The following KLRG1 variants were observed in gnomAD, a reference collection of about 807,000 sequenced individuals.
The protein encoded by KLRG1 is killer cell lectin like receptor G1.
A neutral mutation model predicts 21.8 loss-of-function variants in KLRG1; 16 were observed. The observed-to-expected ratio is 0.73, with a 90% CI of 0.50 to 1.11. KLRG1 has a LOEUF of 1.11. Ranked by LOEUF, KLRG1 falls within the 50% of genes most tolerant of loss-of-function variation. The pLI is 0.00. For synonymous variants in KLRG1, 69 were observed against 75.9 expected (o/e 0.91, Z 0.47); for missense variants, 173 against 218.3 (o/e 0.79, Z 1.31).
chr12:9,109,822 A>C, the KLRG1 span: 1 of 1,541,082 alleles, frequency 6.5e-7, no homozygotes, highest in Non-Finnish European at 8.8e-7. Flanking sequence ...CTAAGAGTTT[A>C]AATATGAAGA....
the KLRG1 span, among the ~76,000 whole-genome samples, chr12:9,097,805 G>A: frequency 2.0e-5 from 3 of 151,956 alleles, no homozygotes; most frequent in African/African-American, 7.2e-5. Context: ...ACTAATTTTT[G>A]TATTTTTAGT....
the KLRG1 span, among the ~76,000 whole-genome samples, chr12:9,154,426 T>A: frequency 6.6e-6 from 1 of 152,218 alleles, no homozygotes; most frequent in Non-Finnish European, 1.5e-5. Flanking sequence ...TATATTAACA[T>A]AGGGCTTAGT....
the KLRG1 span, among the ~76,000 whole-genome samples, chr12:9,150,285 G>GT: frequency 6.6e-6 from 1 of 152,124 alleles, no homozygotes; most frequent in South Asian, 2.1e-4. Context: ...GTTTTGTGTT[G>GT]TTTTTTCTTT....
the KLRG1 span, among the ~76,000 whole-genome samples, chr12:9,180,011 C>T: frequency 0.082 from 12,444 of 152,158 alleles, 695 homozygotes; most frequent in African/African-American, 0.16. Flanking sequence ...TATTATTCTC[C>T]GGAATGTTGG....
At chr12:9,060,408 G>A in the KLRG1 span, among the ~76,000 whole-genome samples, 1 of 152,152 alleles carries the variant, frequency 6.6e-6, no homozygotes, top group Non-Finnish European at 1.5e-5. Context: ...AGCCTTTACT[G>A]TCAGTGTGAA....
chr12:9,026,084 C>G, the KLRG1 span, among the ~76,000 whole-genome samples: 1 of 152,102 alleles, frequency 6.6e-6, no homozygotes, highest in Non-Finnish European at 1.5e-5. Context: ...CAGCAGCCTA[C>G]ATGGGATTTG....
the KLRG1 span, among the ~76,000 whole-genome samples, chr12:9,172,829 A>G: frequency 2.0e-5 from 3 of 152,212 alleles, no homozygotes; most frequent in African/African-American, 7.2e-5. Context: ...TCATAAAGCA[A>G]GTTCTTATAT....
the KLRG1 span, among the ~76,000 whole-genome samples, chr12:9,056,936 T>C: frequency 7.2e-5 from 11 of 152,224 alleles, no homozygotes; most frequent in African/African-American, 1.2e-4. Flanking sequence ...GTATAGTTCT[T>C]AGGCTCTTCT....
intron 1 of KLRG1, among the ~76,000 whole-genome samples, chr12:8,978,640 TTTTCTTTCTTTC>T (rs202186076): frequency 0.1 from 10,825 of 107,710 alleles, 595 homozygotes; most frequent in Admixed American, 0.24. Flanking sequence ...TTTTTCTTTC[TTTTCTTTCTTTC>T]TTTCTTTCTT....
chr12:9,082,143 A>G, the KLRG1 span, among the ~76,000 whole-genome samples: 1 of 152,220 alleles, frequency 6.6e-6, no homozygotes, highest in Non-Finnish European at 1.5e-5. Flanking sequence ...AACTCAGCCA[A>G]AACCTCACTC....
chr12:9,086,229 G>C, the KLRG1 span, among the ~76,000 whole-genome samples: 1 of 152,128 alleles, frequency 6.6e-6, no homozygotes, highest in African/African-American at 2.4e-5. Context: ...GAATATAGAT[G>C]CAAAAATCCT....
upstream of KLRG1, among the ~76,000 whole-genome samples, chr12:8,985,743 C>T (rs773634995): frequency 6.6e-6 from 1 of 152,264 alleles, no homozygotes; most frequent in Admixed American, 6.5e-5. Context: ...CTTCCATGCC[C>T]TCTCTGGGAA....
At chr12:9,099,112 A>C in the KLRG1 span, among the ~76,000 whole-genome samples, 1 of 152,146 alleles carries the variant, frequency 6.6e-6, no homozygotes, top group African/African-American at 2.4e-5. Context: ...ACTTGCTTAC[A>C]TATTTCCCAA....
chr12:9,069,104 T>C, the KLRG1 span: 1 of 278,670 alleles, frequency 3.6e-6, no homozygotes, highest in South Asian at 1.5e-4. Flanking sequence ...ATATACTTTT[T>C]ATTGGATGAC....
the KLRG1 span, among the ~76,000 whole-genome samples, chr12:9,030,409 T>A: frequency 2.0e-5 from 3 of 150,184 alleles, no homozygotes; most frequent in African/African-American, 7.3e-5. Flanking sequence ...AAAGGAACCA[T>A]TTTTTTTTTC....
the KLRG1 span, chr12:9,112,790 A>G: frequency 2.1e-6 from 1 of 466,726 alleles, no homozygotes; most frequent in African/African-American, 2.0e-5. Flanking sequence ...GCTCACAGAA[A>G]CAGTCTTGAT....
At chr12:9,167,810 C>T in the KLRG1 span, among the ~76,000 whole-genome samples, 7 of 152,050 alleles carry the variant, frequency 4.6e-5, no homozygotes, top group Non-Finnish European at 1.0e-4. Context: ...CATTTCCTTC[C>T]CCCCAAACCT....
chr12:8,979,932 G>T (rs1946727479), intron 1 of KLRG1, among the ~76,000 whole-genome samples: 1 of 151,870 alleles, frequency 6.6e-6, no homozygotes, highest in Admixed American at 6.6e-5. Context: ...TTGGAGTTTT[G>T]CTCTGTTGCC....
the KLRG1 span, chr12:9,028,234 C>G: frequency 5.8e-6 from 3 of 520,148 alleles, no homozygotes; most frequent in African/African-American, 6.0e-5. Flanking sequence ...TCACTGCAAC[C>G]TCTGCTTCCC....
Sources: gnomAD v4.1 joint callset for allele counts (sites outside exome capture counted in the v4.1 genomes callset) on GRCh38, gnomAD v4.1.1 for gene constraint, MANE v1.5 for transcripts, NCBI Gene and HGNC (gene_info 2026-07-23, HGNC 2026-07-21) for gene names.